The following SOX6 variants were observed in gnomAD, a reference collection of about 807,000 sequenced individuals.
SOX6 encodes the protein SRY-box transcription factor 6.
In SOX6, 11 loss-of-function variants were observed where a neutral mutation model predicts 97.8. The ratio of observed to expected loss-of-function variants is 0.11; its 90% CI spans 0.07 to 0.19. The LOEUF is 0.19. Among genes scored for constraint, SOX6 ranks in the 10% least tolerant of loss-of-function variants. The pLI is 1.00. For missense variants in SOX6, 810 were observed against 1,039.5 expected (o/e 0.78, Z 3.04); for synonymous variants, 360 against 371.4 (o/e 0.97, Z 0.35).
intron 3 of SOX6, among the ~76,000 whole-genome samples, chr11:16,692,758 A>C (rs950645931): frequency 2.0e-5 from 3 of 152,194 alleles, no homozygotes; most frequent in African/African-American, 7.2e-5. Flanking sequence ...TTCTTTTACA[A>C]AATCAGTATT....
At chr11:16,432,765 T>G (rs1859295959) in intron 1 of SOX6, among the ~76,000 whole-genome samples, 1 of 152,054 alleles carries the variant, frequency 6.6e-6, no homozygotes, top group Non-Finnish European at 1.5e-5. Flanking sequence ...ATTCAGTTAG[T>G]TAATCCAGTT....
At chr11:16,063,647 T>G (rs1232535657) in intron 9 of SOX6, among the ~76,000 whole-genome samples, 1 of 146,802 alleles carries the variant, frequency 6.8e-6, no homozygotes, top group Non-Finnish European at 1.5e-5. Flanking sequence ...ACATATGATT[T>G]TCATGTAGCA....
At chr11:16,529,945 A>T (rs554151472) in intron 4 of SOX6, among the ~76,000 whole-genome samples, 48 of 152,210 alleles carry the variant, frequency 3.2e-4, no homozygotes, top group Middle Eastern at 6.8e-3. Flanking sequence ...TAAAATGTAC[A>T]GAAACGCTTA....
intron 1 of SOX6, among the ~76,000 whole-genome samples, chr11:16,431,955 GA>G (rs1484566582): frequency 3.3e-5 from 5 of 152,166 alleles, no homozygotes; most frequent in African/African-American, 1.2e-4. Flanking sequence ...TCATAAAAAG[GA>G]AGGGAAATAA....
intron 4 of SOX6, among the ~76,000 whole-genome samples, chr11:16,567,733 A>ATTT (rs58565035): frequency 0.34 from 43,586 of 129,372 alleles, 8,623 homozygotes; most frequent in Non-Finnish European, 0.43. Context: ...CGCCTGGCTG[A>ATTT]TTTTTTTTTT....
At chr11:16,146,576 T>C (rs937420832) in intron 6 of SOX6, among the ~76,000 whole-genome samples, 5 of 152,082 alleles carry the variant, frequency 3.3e-5, no homozygotes, top group Admixed American at 3.3e-4. Flanking sequence ...ACCTACAGAA[T>C]GGGAGAAAAT....
chr11:16,062,232 C>T (rs1847975496), intron 9 of SOX6, among the ~76,000 whole-genome samples: 1 of 151,284 alleles, frequency 6.6e-6, no homozygotes. Flanking sequence ...CACAGATAGT[C>T]TAGTTAATAA....
chr11:16,715,237 A>C (rs556224114), intron 2 of SOX6, among the ~76,000 whole-genome samples: 1 of 152,368 alleles, frequency 6.6e-6, no homozygotes, highest in Non-Finnish European at 1.5e-5. Context: ...AATCTAAAAT[A>C]TCTCTCATTA....
intron 1 of SOX6, among the ~76,000 whole-genome samples, chr11:16,417,076 G>A (rs1858940482): frequency 6.6e-6 from 1 of 152,180 alleles, no homozygotes; most frequent in South Asian, 2.1e-4. Flanking sequence ...GAGAGGAAAT[G>A]AGTTGCTTTT....
chr11:16,381,804 A>G (rs1338067676), intron 1 of SOX6, among the ~76,000 whole-genome samples: 1 of 151,930 alleles, frequency 6.6e-6, no homozygotes, highest in Non-Finnish European at 1.5e-5. Flanking sequence ...CCAAACATAC[A>G]CACACATACA....
intron 6 of SOX6, among the ~76,000 whole-genome samples, chr11:16,123,943 T>A (rs113009668): frequency 6.6e-6 from 1 of 152,072 alleles, no homozygotes; most frequent in African/African-American, 2.4e-5. Flanking sequence ...GCCTACTACA[T>A]TGTACCATGA....
At chr11:16,542,494 C>A (rs1360698669) in intron 4 of SOX6, among the ~76,000 whole-genome samples, 6 of 151,960 alleles carry the variant, frequency 3.9e-5, no homozygotes, top group Non-Finnish European at 7.4e-5. Flanking sequence ...TGGTATAAAT[C>A]ATGACTTGAC....
chr11:16,073,551 A>T (rs1848274198), intron 9 of SOX6, among the ~76,000 whole-genome samples: 1 of 152,302 alleles, frequency 6.6e-6, no homozygotes, highest in South Asian at 2.1e-4. Context: ...GAAATCTAAC[A>T]AATGTATTTG....
intron 4 of SOX6, among the ~76,000 whole-genome samples, chr11:16,226,257 G>A (rs559973249): frequency 2.6e-5 from 4 of 151,130 alleles, no homozygotes; most frequent in Non-Finnish European, 4.4e-5. Context: ...ATAATTAATC[G>A]TAAATGACCA....
chr11:16,669,693 C>G (rs1256397251), intron 3 of SOX6, among the ~76,000 whole-genome samples: 4 of 152,170 alleles, frequency 2.6e-5, no homozygotes, highest in African/African-American at 9.6e-5. Flanking sequence ...CTGTGGAAAT[C>G]AGGGGCTCAT....
At position 15,999,348 on chromosome 11, in the gene SOX6, T is replaced by A. The variant is rs7947265; in HGVS notation, c.1733-10118A>T. Among the ~76,000 whole-genome samples the A allele has an allele frequency of 3.9e-3, 600 of 151,958 alleles. 3 individuals are homozygous for A. The highest frequency in any genetic ancestry group is 0.014 in the African/African-American group (582 of 41,476). On this transcript the variant is annotated intron_variant, in intron 13 of 15. Coordinates refer to ENST00000683767, the MANE Select transcript of SOX6 (RefSeq NM_001367873.1). ...TCTTCTAATTAAAATGCATATTTAC[T>A]TATGACCCAGCAAACAAATTAAAGC...
intron 1 of SOX6, among the ~76,000 whole-genome samples, chr11:16,469,205 A>G (rs761549914): frequency 7.2e-5 from 11 of 152,174 alleles, no homozygotes; most frequent in Non-Finnish European, 1.2e-4. Context: ...ACAAGTCCAG[A>G]GTATTAACAA....
intron 4 of SOX6, among the ~76,000 whole-genome samples, chr11:16,521,613 C>T (rs534294821): frequency 1.6e-4 from 24 of 152,294 alleles, no homozygotes; most frequent in South Asian, 4.1e-4. Context: ...TCACCAGCAA[C>T]GGAACAAAGC....
intron 4 of SOX6, among the ~76,000 whole-genome samples, chr11:16,504,772 C>G (rs770136377): frequency 2.7e-4 from 41 of 152,212 alleles, no homozygotes; most frequent in Non-Finnish European, 5.3e-4. Context: ...TGTCCCCATG[C>G]TGTTCTTGTA....
Sources: allele counts gnomAD v4.1 joint callset (sites outside exome capture counted in the v4.1 genomes callset), GRCh38; gene constraint gnomAD v4.1.1; transcripts MANE v1.5; gene names NCBI Gene and HGNC (gene_info 2026-07-23, HGNC 2026-07-21).